Variants in NKD1 observed in about 807,000 individuals in gnomAD.
The protein encoded by NKD1 is NKD inhibitor of Wnt signaling pathway 1.
In NKD1, 21 loss-of-function variants were observed where a neutral mutation model predicts 56.0. The observed-to-expected ratio is 0.38, with a 90% confidence interval of 0.27 to 0.54. NKD1 has a LOEUF of 0.54. Among genes scored for constraint, NKD1 ranks in the 20% least tolerant of loss-of-function variants. The probability of loss-of-function intolerance (pLI) is 0.82; values close to 1 mark genes in which losing one functional copy is unlikely to be tolerated. For missense variants in NKD1, 578 were observed against 642.7 expected, an observed-to-expected ratio of 0.90 and a Z score of 1.09; for synonymous variants, 263 against 265.7, an observed-to-expected ratio of 0.99 and a Z score of 0.10.
intron 3 of NKD1, among the ~76,000 whole-genome samples, chr16:50,562,989 C>CCCCCCCCCCCCCCCCCCCCCCCCCCG (rs1960672750): frequency 8.4e-6 from 1 of 119,592 alleles, no homozygotes; most frequent in African/African-American, 4.0e-5. Flanking sequence ...CACCACCACC[C>CCCCCCCCCCCCCCCCCCCCCCCCCCG]CCCCCCCCCG....
intron 3 of NKD1, among the ~76,000 whole-genome samples, chr16:50,562,591 G>A (rs905526921): frequency 1.3e-5 from 2 of 152,194 alleles, no homozygotes; most frequent in African/African-American, 4.8e-5. Context: ...GGGGAGACTC[G>A]ATGCGGCCGA....
intron 3 of NKD1, among the ~76,000 whole-genome samples, chr16:50,562,809 G>T (rs117381127): frequency 5.2e-4 from 79 of 152,182 alleles, no homozygotes; most frequent in African/African-American, 1.7e-3. Context: ...CCTAATGAGC[G>T]ACCCTACAGA....
intron 3 of NKD1, among the ~76,000 whole-genome samples, chr16:50,604,473 G>T (rs1961662808): frequency 6.6e-6 from 1 of 152,210 alleles, no homozygotes; most frequent in African/African-American, 2.4e-5. Context: ...GTAATAAACA[G>T]TAACTACTGA....
At chr16:50,569,798 G>T (rs937084007) in intron 3 of NKD1, among the ~76,000 whole-genome samples, 1 of 152,224 alleles carries the variant, frequency 6.6e-6, no homozygotes, top group Admixed American at 6.5e-5. Flanking sequence ...ATGGTGTCTT[G>T]TCTGTAGGAG....
At chr16:50,549,684 T>A in intron 3 of NKD1, 129 bp downstream of exon 3, 1 of 935,224 alleles carries the variant, frequency 1.1e-6, no homozygotes, top group Non-Finnish European at 1.5e-6. Context: ...TCTTCTCAGC[T>A]GCCCCCTGCC....
chr16:50,609,406 G>A (rs1360390303), intron 4 of NKD1, among the ~76,000 whole-genome samples: 1 of 152,230 alleles, frequency 6.6e-6, no homozygotes, highest in South Asian at 2.1e-4. Context: ...ATGGGGGGCT[G>A]CCTTATAAGA....
intron 5 of NKD1, among the ~76,000 whole-genome samples, chr16:50,624,980 C>T (rs1000996069): frequency 2.0e-5 from 3 of 152,158 alleles, no homozygotes; most frequent in Non-Finnish European, 4.4e-5. Context: ...ATAATGTATA[C>T]AAAGAGAAAC....
intron 4 of NKD1, among the ~76,000 whole-genome samples, chr16:50,618,569 G>T (rs967915488): frequency 6.6e-6 from 1 of 152,210 alleles, no homozygotes; most frequent in African/African-American, 2.4e-5. Flanking sequence ...TGGCATTGGG[G>T]TCTGCATGGC....
chr16:50,549,452 C>A lies in NKD1; in HGVS notation c.89C>A (p.Ala30Asp), dbSNP rs749559469. ...GDSFAVSAAW[A>D]RKGIEEWIGR... is the part of the protein sequence containing the mutation. ...AGCTTCGCCGTGAGCGCTGCCTGGG[C>A]TCGGAAGGGCATCGAGGAGTGGATC... The change falls in exon 3 of 10, where the codon GCT becomes GAT. Residue 30 changes from alanine (A) to aspartate (D), a missense_variant. Transcript: ENST00000268459. 16 of 1,611,388 alleles carry A rather than the reference C, an allele frequency of 9.9e-6. No homozygotes were observed. Among genetic ancestry groups the A allele is most frequent in the Non-Finnish European group, 1.4e-5 (16 of 1,178,984 alleles).
chr16:50,575,078 G>A lies in NKD1; in HGVS notation c.192+25523G>A, dbSNP rs181563637. ...TGAGAGAGCTGGAAAGTTGTTTCAT[G>A]ACACCAGTAAGTAGGTGTTTTTTTT... On this transcript the variant is annotated intron_variant, in intron 3 of 9. Transcript: ENST00000268459. The A allele has an allele frequency of 3.0e-6, 3 of 984,718 alleles. No homozygotes were observed. In the East Asian group the frequency reaches 3.4e-4, roughly 112 times the overall value. The allele number at this position is 984,718 out of a possible 1,614,324, so 61.0% of individuals were successfully genotyped here. A position where few individuals can be genotyped will look rare whatever the true frequency, so the allele number is the denominator to read the frequency against.
rs932512039 is a variant in NKD1 at position 50,609,859 on chromosome 16, A to T, written c.259+1499A>T. Among the ~76,000 whole-genome samples the T allele has an allele frequency of 4.6e-5, 7 of 152,364 alleles. No homozygotes were observed. In the East Asian group the frequency reaches 1.3e-3, roughly 29 times the overall value. ...CATGAACAGAAAGCTTTGTGTGTGC[A>T]TACAGTCTGGTATCTTTTATGTGAA... On this transcript the variant is annotated intron_variant, in intron 4 of 9. Coordinates refer to ENST00000268459, the MANE Select transcript of NKD1 (RefSeq NM_033119.5).
intron 3 of NKD1, chr16:50,551,728 T>A (rs1171384822): frequency 6.6e-6 from 1 of 151,986 alleles, no homozygotes; most frequent in Admixed American, 6.5e-5. Flanking sequence ...TATCTTTTTT[T>A]TTTTACCAGA....
intron 6 of NKD1, among the ~76,000 whole-genome samples, chr16:50,629,167 T>G (rs1962288705): frequency 6.6e-6 from 1 of 152,050 alleles, no homozygotes; most frequent in Non-Finnish European, 1.5e-5. Context: ...AATGTTATGT[T>G]GCCCAGGCTG....
chr16:50,594,919 G>A (rs1299433287), intron 3 of NKD1, among the ~76,000 whole-genome samples: 1 of 152,192 alleles, frequency 6.6e-6, no homozygotes, highest in African/African-American at 2.4e-5. Flanking sequence ...CCTCGTGGGA[G>A]GCCTGCTACA....
At chr16:50,607,941 T>G in intron 3 of NKD1, 1 of 250,904 alleles carries the variant, frequency 4.0e-6, no homozygotes, top group Non-Finnish European at 7.9e-6. Context: ...TTGGTTGGGA[T>G]GAGATCCCAG....
chr16:50,558,255 A>C (rs1024382436), intron 3 of NKD1: 7 of 152,240 alleles, frequency 4.6e-5, no homozygotes, highest in Non-Finnish European at 7.3e-5. Context: ...GTGTTTGCTG[A>C]TTTAGACCTT....
In NKD1 at chr16:50,620,613, G is replaced by A. The variant is rs931857488; in HGVS notation, c.260-989G>A. ...CAGAAGGAATCAGATGAGAGGAGCT[G>A]TGAGTGTGGCCTGGAAAAGATGTCT... On this transcript the variant is annotated intron_variant, in intron 4 of 9. Coordinates refer to ENST00000268459, the MANE Select transcript of NKD1 (RefSeq NM_033119.5). Among the ~76,000 whole-genome samples the A allele has an allele frequency of 2.0e-5, 3 of 152,334 alleles. No homozygotes were observed. The South Asian group carries it at 6.2e-4, about 32-fold the overall frequency.
intron 3 of NKD1, among the ~76,000 whole-genome samples, chr16:50,580,260 C>A (rs1961089077): frequency 6.6e-6 from 1 of 152,240 alleles, no homozygotes; most frequent in Admixed American, 6.5e-5. Flanking sequence ...ATGATGGATC[C>A]CCTTGATGGA....
intron 3 of NKD1, among the ~76,000 whole-genome samples, chr16:50,561,388 T>C (rs1399663020): frequency 4.9e-5 from 7 of 143,816 alleles, no homozygotes; most frequent in African/African-American, 1.7e-4. Flanking sequence ...TTGTTTCTAC[T>C]GCTGTAAAAA....
Sources: allele counts gnomAD v4.1 joint callset (sites outside exome capture counted in the v4.1 genomes callset), GRCh38; gene constraint gnomAD v4.1.1; transcripts MANE v1.5; gene names NCBI Gene and HGNC (gene_info 2026-07-23, HGNC 2026-07-21).